Variants in ALMS1 observed in about 807,000 individuals in gnomAD.
ALMS1 encodes ALMS1 centrosome and basal body associated protein, also known as centrosome-associated protein ALMS1.
A neutral mutation model predicts 352.2 loss-of-function variants in ALMS1; 271 were observed. That is an observed-to-expected ratio of 0.77 (90% confidence interval 0.70 to 0.85). The LOEUF is 0.85. Ranked by LOEUF, ALMS1 falls within the 40% of genes least tolerant of loss-of-function variation. The pLI, the probability that ALMS1 is intolerant of heterozygous loss-of-function variation, is 0.00. For missense variants in ALMS1, 5,445 were observed against 4,870.7 expected (o/e 1.12, Z -3.51); for synonymous variants, 1,865 against 1,761.2 (o/e 1.06, Z -1.48).
intron 9 of ALMS1, among the ~76,000 whole-genome samples, chr2:73,487,013 A>G (rs959452431): frequency 6.6e-6 from 1 of 152,326 alleles, no homozygotes; most frequent in East Asian, 1.9e-4. Context: ...GTGCCACAGC[A>G]TTCCAGCCTG....
At position 73,448,732 on chromosome 2, in the gene ALMS1, A is replaced by T. The variant is rs1214906829; in HGVS notation, c.2205A>T (p.Gln735His). The T allele has an allele frequency of 1.2e-6, 2 of 1,605,522 alleles. No individual in the cohort carries two copies. The highest frequency in any genetic ancestry group is 2.7e-5 in the African/African-American group (2 of 74,856). The change falls in exon 8 of 23, where the codon CAA becomes CAT. Residue 735 changes from glutamine (Q) to histidine (H), a missense_variant. Physicochemically the swap from Gln to His is conservative, Grantham distance 24 (BLOSUM62 0). Coordinates refer to ENST00000613296, the MANE Select transcript of ALMS1 (RefSeq NM_001378454.1). ...FYQQEFADSH[Q>H]TEETLTKVSA... Reference sequence around the variant, plus strand: ...AACAAGAGTTCGCAGACAGTCATCAAACTGAAGAGACTCTTACTAAAGTTT... The same window carrying T: ...AACAAGAGTTCGCAGACAGTCATCATACTGAAGAGACTCTTACTAAAGTTT...
At chr2:73,542,114 C>T (rs537126877) in intron 12 of ALMS1, among the ~76,000 whole-genome samples, 5 of 152,252 alleles carry the variant, frequency 3.3e-5, no homozygotes, top group South Asian at 2.1e-4. Context: ...ATGCAAAAAT[C>T]CTCAATAAAA....
rs1310786458 is a variant in ALMS1 at position 73,490,592 on chromosome 2, C to T, written c.8633C>T (p.Ser2878Phe). Residue 2878 changes from serine (S) to phenylalanine (F), a missense_variant, in exon 10 of 23, where the codon TCT (serine) becomes TTT (phenylalanine). Transcript: ENST00000613296. The part of the protein sequence containing the change: ...KNVTITPDLP[S>F]CIFLEQRELF... Reference sequence around the variant, plus strand: ...GTAACTATAACTCCAGATCTTCCTTCTTGCATTTTTCTTGAACAACGAGAG... The same window carrying T: ...GTAACTATAACTCCAGATCTTCCTTTTTGCATTTTTCTTGAACAACGAGAG... 1.2e-6 allele frequency: 2 copies of T among 1,614,194 alleles called. No homozygotes were observed. Among genetic ancestry groups the T allele is most frequent in the African/African-American group, 1.3e-5 (1 of 75,060 alleles).
At chr2:73,458,559 AGC>A (rs964494916) in intron 9 of ALMS1, 3 of 152,238 alleles carry the variant, frequency 2.0e-5, no homozygotes, top group Non-Finnish European at 4.4e-5. Flanking sequence ...GTGGGATAAG[AGC>A]CAGGGAGACA....
intron 12 of ALMS1, among the ~76,000 whole-genome samples, chr2:73,543,224 T>C (rs1207893131): frequency 2.0e-5 from 3 of 152,130 alleles, no homozygotes; most frequent in Non-Finnish European, 1.5e-5. Flanking sequence ...TATCTACAGC[T>C]ATCTGATCTT....
intron 15 of ALMS1, among the ~76,000 whole-genome samples, chr2:73,559,761 C>G (rs1226919780): frequency 1.3e-5 from 2 of 152,058 alleles, no homozygotes; most frequent in African/African-American, 4.8e-5. Context: ...TTGACAATAG[C>G]CAAGACTACA....
chr2:73,452,634 A>G lies in ALMS1; in HGVS notation c.6107A>G (p.Gln2036Arg), dbSNP rs770371483. 26 of 1,614,086 alleles carry G rather than the reference A, an allele frequency of 1.6e-5. No individual in the cohort carries two copies. The highest frequency in any genetic ancestry group is 2.1e-5 in the Non-Finnish European group (25 of 1,180,000). ...KISTVIGPNDQKTPSQTAFHS... is the reference protein window; with the variant it reads ...KISTVIGPNDRKTPSQTAFHS... ...TCAACTGTGATTGGACCAAATGACC[A>G]GAAGACTCCATCCCAGACAGCTTTT... Residue 2036 changes from glutamine to arginine, a missense_variant, in exon 8 of 23, where the codon CAG becomes CGG. By Grantham distance (43) the Gln-to-Arg change is conservative. Transcript: ENST00000613296.
chr2:73,438,454 T>C (rs1412107058), intron 7 of ALMS1, among the ~76,000 whole-genome samples: 2 of 152,200 alleles, frequency 1.3e-5, no homozygotes, highest in African/African-American at 2.4e-5. Flanking sequence ...TCTGGATTAT[T>C]GAAAAAGAAT....
intron 2 of ALMS1, among the ~76,000 whole-genome samples, chr2:73,414,599 G>A (rs1412410492): frequency 2.7e-5 from 4 of 147,830 alleles, no homozygotes; most frequent in Non-Finnish European, 5.9e-5. Flanking sequence ...CAATATTTAT[G>A]TAGCTGAATA....
intron 7 of ALMS1, among the ~76,000 whole-genome samples, chr2:73,447,378 T>A (rs1452274978): frequency 6.6e-6 from 1 of 151,948 alleles, no homozygotes; most frequent in East Asian, 1.9e-4. Flanking sequence ...ACCTTTAGAG[T>A]TTTTTCAGTT....
At chr2:73,484,009 G>C (rs1005054288) in intron 9 of ALMS1, among the ~76,000 whole-genome samples, 2 of 151,204 alleles carry the variant, frequency 1.3e-5, no homozygotes, top group African/African-American at 4.9e-5. Context: ...CACACTGATG[G>C]GTCTTGACTC....
chr2:73,506,832 G>A (rs77006597), intron 10 of ALMS1, among the ~76,000 whole-genome samples: 4,351 of 152,250 alleles, frequency 0.029, 213 homozygotes, highest in African/African-American at 0.098. Flanking sequence ...TAGCAGTGGT[G>A]AGAGGCCATC....
chr2:73,545,337 C>T (rs1052561217), intron 12 of ALMS1, among the ~76,000 whole-genome samples: 8 of 152,088 alleles, frequency 5.3e-5, no homozygotes, highest in African/African-American at 7.2e-5. Flanking sequence ...CCCACCACCA[C>T]GCCCAGCTAA....
intron 16 of ALMS1, among the ~76,000 whole-genome samples, chr2:73,589,429 G>A (rs1342143412): frequency 1.3e-5 from 2 of 152,146 alleles, no homozygotes; most frequent in African/African-American, 2.4e-5. Flanking sequence ...CAAGGGTTGA[G>A]TTAAATGTAC....
At chr2:73,536,676 A>G (rs949623672) in intron 12 of ALMS1, among the ~76,000 whole-genome samples, 1 of 152,184 alleles carries the variant, frequency 6.6e-6, no homozygotes, top group Non-Finnish European at 1.5e-5. Context: ...AGCAAGACAT[A>G]CATCATTGTT....
intron 9 of ALMS1, among the ~76,000 whole-genome samples, chr2:73,468,327 C>G (rs1206204378): frequency 6.6e-6 from 1 of 152,010 alleles, no homozygotes; most frequent in Non-Finnish European, 1.5e-5. Context: ...ATCCACCTAG[C>G]ACAAACTGCT....
At position 73,443,142 on chromosome 2, in the gene ALMS1, C is replaced by G. The variant is rs193056062; in HGVS notation, c.1433-4818C>G. On this transcript the variant is annotated intron_variant, in intron 7 of 22. Transcript: ENST00000613296. ...ATTTTCAGTATTAAGCCAAAATAGTCTGTTTACAGGGCAGACTTGATAATG... is the reference window on the plus strand; with the variant it reads ...ATTTTCAGTATTAAGCCAAAATAGTGTGTTTACAGGGCAGACTTGATAATG... Among the ~76,000 whole-genome samples, 4 of 152,284 alleles carry G rather than the reference C, an allele frequency of 2.6e-5. No homozygotes were observed. In the East Asian group the frequency reaches 7.7e-4, roughly 29 times the overall value.
intron 10 of ALMS1, 50 bp downstream of exon 10, chr2:73,491,548 G>C (rs775380419): frequency 8.8e-6 from 14 of 1,586,914 alleles, no homozygotes; most frequent in African/African-American, 2.7e-5. Context: ...TGTAATAAAG[G>C]GTTTCAAATA....
chr2:73,536,018 A>T (rs1489105760), intron 12 of ALMS1, among the ~76,000 whole-genome samples: 1 of 152,150 alleles, frequency 6.6e-6, no homozygotes, highest in Non-Finnish European at 1.5e-5. Context: ...TCCCACAATG[A>T]TGGCATTGAA....
Sources: allele counts gnomAD v4.1 joint callset (sites outside exome capture counted in the v4.1 genomes callset), GRCh38; gene constraint gnomAD v4.1.1; transcripts MANE v1.5; gene names NCBI Gene and HGNC (gene_info 2026-07-23, HGNC 2026-07-21).